Variants in ZNF280D observed in about 807,000 individuals in gnomAD.
ZNF280D encodes the protein zinc finger protein 280D.
In ZNF280D, 39 loss-of-function variants were observed where a neutral mutation model predicts 94.7. The ratio of observed to expected loss-of-function variants is 0.41; its 90% CI spans 0.32 to 0.54. The LOEUF is 0.54. ZNF280D is among the 20% of genes least tolerant of loss of function. ZNF280D has a pLI of 0.22. For synonymous variants in ZNF280D, 398 were observed against 377.6 expected (o/e 1.05, Z -0.63); for missense variants, 1,090 against 1,149.3 (o/e 0.95, Z 0.75).
intron 9 of ZNF280D, among the ~76,000 whole-genome samples, chr15:56,683,902 G>A (rs563734212): frequency 1.3e-5 from 2 of 152,286 alleles, no homozygotes; most frequent in South Asian, 2.1e-4. Flanking sequence ...ATGGCATTTA[G>A]CTAGAAGTAA....
At chr15:56,722,059 G>A (rs1474144489) in intron 1 of ZNF280D, among the ~76,000 whole-genome samples, 1 of 152,098 alleles carries the variant, frequency 6.6e-6, no homozygotes, top group Non-Finnish European at 1.5e-5. Context: ...TTTCAATATT[G>A]CTATGTCTCA....
At chr15:56,702,866 T>C (rs1044240345) in intron 4 of ZNF280D, among the ~76,000 whole-genome samples, 2 of 149,736 alleles carry the variant, frequency 1.3e-5, no homozygotes, top group East Asian at 2.0e-4. Flanking sequence ...TTTCAAAAAA[T>C]TTTGGTCTCT....
At chr15:56,634,906 G>C (rs1335989340) in intron 21 of ZNF280D, among the ~76,000 whole-genome samples, 1 of 151,978 alleles carries the variant, frequency 6.6e-6, no homozygotes, top group Admixed American at 6.6e-5. Flanking sequence ...TCATTTAATA[G>C]GGGCAAAGAA....
intron 21 of ZNF280D, among the ~76,000 whole-genome samples, chr15:56,633,005 T>TG (rs1368990932): frequency 6.6e-6 from 1 of 152,182 alleles, no homozygotes; most frequent in African/African-American, 2.4e-5. Flanking sequence ...GTGTTTCTTC[T>TG]GGCCCTGAAG....
At chr15:56,731,309 C>A (rs577750064) in intron 1 of ZNF280D, among the ~76,000 whole-genome samples, 37 of 151,910 alleles carry the variant, frequency 2.4e-4, no homozygotes, top group African/African-American at 8.5e-4. Context: ...TTGACACCAG[C>A]CTAGGTAACA....
At position 56,729,119 on chromosome 15, in the gene ZNF280D, C is replaced by T. The variant is rs572568260; in HGVS notation, c.-86+4339G>A. On this transcript the variant is annotated intron_variant, in intron 1 of 21. Coordinates refer to ENST00000267807, the MANE Select transcript of ZNF280D (RefSeq NM_017661.4). ...AAGGTGAAAAACATGAAATGAAAATCTGAGCAACAGGTGACAATGAAATAT... is the reference window on the plus strand; with the variant it reads ...AAGGTGAAAAACATGAAATGAAAATTTGAGCAACAGGTGACAATGAAATAT... Among the ~76,000 whole-genome samples the T allele has an allele frequency of 3.3e-5, 5 of 152,188 alleles. No homozygotes were observed. In the East Asian group the frequency reaches 9.7e-4, roughly 29 times the overall value.
At chr15:56,680,702 C>T (rs2055560107) in intron 10 of ZNF280D, among the ~76,000 whole-genome samples, 1 of 150,350 alleles carries the variant, frequency 6.7e-6, no homozygotes, top group Non-Finnish European at 1.5e-5. Context: ...GTCTGGAACT[C>T]CTTTGCTAAA....
At chr15:56,655,449 GC>G (rs11301652) in intron 17 of ZNF280D, among the ~76,000 whole-genome samples, 151,041 of 152,346 alleles carry the variant, frequency 0.99, 74,893 homozygotes, top group Middle Eastern at 1. Flanking sequence ...CTTGTGATCA[GC>G]CCCACCTCGG....
chr15:56,688,995 A>G, intron 9 of ZNF280D, 46 bp downstream of exon 9: 1 of 1,296,502 alleles, frequency 7.7e-7, no homozygotes, highest in Non-Finnish European at 1.1e-6. Context: ...CAGTATTTTT[A>G]GAAATGTGCA....
chr15:56,701,986 G>A (rs1362541930), intron 4 of ZNF280D, among the ~76,000 whole-genome samples: 1 of 138,648 alleles, frequency 7.2e-6, no homozygotes, highest in African/African-American at 2.7e-5. Flanking sequence ...ATGAGGATTT[G>A]CCTAAAATTG....
chr15:56,701,049 T>C lies in ZNF280D; in HGVS notation c.265A>G (p.Thr89Ala), dbSNP rs747040072. Reference sequence around the variant, plus strand: ...GTTGGATTCGTGTAGTGTTGACTTGTAGGCTTGAATGCAGCAGTAATACCT... The same window carrying C: ...GTTGGATTCGTGTAGTGTTGACTTGCAGGCTTGAATGCAGCAGTAATACCT... ...SRGITAAFKPTSQHYTNPTSN... is the reference protein window; with the variant it reads ...SRGITAAFKPASQHYTNPTSN... Residue 89 changes from threonine (T) to alanine (A), a missense_variant, in exon 6 of 22, where the codon ACA (threonine) becomes GCA (alanine). By Grantham distance (58) the Thr-to-Ala change is moderately conservative (BLOSUM62 0). Around this residue, in one of 3 missense-constraint regions of ZNF280D, gnomAD observed 386 missense variants for 372.0 expected, o/e 1.04. Coordinates refer to ENST00000267807, the MANE Select transcript of ZNF280D (RefSeq NM_017661.4). 1.2e-6 allele frequency: 2 copies of C among 1,613,868 alleles called. No individual in the cohort carries two copies. The highest frequency in any genetic ancestry group is 2.2e-5 in the South Asian group (2 of 91,070).
chr15:56,681,716 T>A (rs1339731292), intron 10 of ZNF280D, among the ~76,000 whole-genome samples: 1 of 152,098 alleles, frequency 6.6e-6, no homozygotes, highest in African/African-American at 2.4e-5. Context: ...CACTGGGAAT[T>A]AAATCCCCAA....
chr15:56,682,211 G>A, intron 10 of ZNF280D, 43 bp downstream of exon 10: 2 of 1,334,572 alleles, frequency 1.5e-6, no homozygotes, highest in Non-Finnish European at 2.1e-6. Flanking sequence ...TTTATTTGCA[G>A]CATTTCAATT....
rs1401517819 is a variant in ZNF280D at position 56,688,267 on chromosome 15, C to T, written c.780+774G>A. ...CAGCACTTTAGGAGGTTGAGGCGGGCGGATCACGAGGTCAGGAGATCGAGA... is the reference window on the plus strand; with the variant it reads ...CAGCACTTTAGGAGGTTGAGGCGGGTGGATCACGAGGTCAGGAGATCGAGA... On this transcript the variant is annotated intron_variant, in intron 9 of 21. Transcript: ENST00000267807. 5.9e-5 allele frequency among the ~76,000 whole-genome samples: 9 copies of T among 151,918 alleles called. No individual in the cohort carries two copies. The East Asian group carries it at 1.5e-3, about 26-fold the overall frequency.
intron 19 of ZNF280D, among the ~76,000 whole-genome samples, chr15:56,644,971 T>A (rs138899158): frequency 6.6e-6 from 1 of 152,300 alleles, no homozygotes; most frequent in African/African-American, 2.4e-5. Context: ...TGAACACATT[T>A]AGAAAAATAA....
chr15:56,660,382 T>C (rs546235884), intron 16 of ZNF280D, among the ~76,000 whole-genome samples: 4 of 152,276 alleles, frequency 2.6e-5, no homozygotes, highest in South Asian at 2.1e-4. Flanking sequence ...CTACAACTTA[T>C]ACCATATCAT....
intron 16 of ZNF280D, among the ~76,000 whole-genome samples, chr15:56,661,086 G>A (rs1159211013): frequency 6.6e-6 from 1 of 152,048 alleles, no homozygotes; most frequent in Admixed American, 6.6e-5. Context: ...AGTCAATAGT[G>A]ACACATACAG....
chr15:56,648,965 AC>A (rs2053054763), intron 19 of ZNF280D, among the ~76,000 whole-genome samples: 1 of 152,160 alleles, frequency 6.6e-6, no homozygotes, highest in Non-Finnish European at 1.5e-5. Flanking sequence ...ATCTTAGAAC[AC>A]CAGGGTATGA....
At chr15:56,655,330 CCT>C (rs2053475832) in intron 17 of ZNF280D, among the ~76,000 whole-genome samples, 1 of 152,170 alleles carries the variant, frequency 6.6e-6, no homozygotes, top group Non-Finnish European at 1.5e-5. Flanking sequence ...GCCTCAGGCC[CCT>C]GAGTAGCTGG....
Sources: allele counts gnomAD v4.1 joint callset (sites outside exome capture counted in the v4.1 genomes callset), GRCh38; gene constraint gnomAD v4.1.1; regional missense constraint gnomAD v4.1.1; transcripts MANE v1.5; gene names NCBI Gene and HGNC (gene_info 2026-07-23, HGNC 2026-07-21).